Variants in SYN3 observed in about 807,000 individuals in gnomAD.
SYN3 encodes the protein synapsin-3.
SYN3 carries 35 observed loss-of-function variants against 65.8 expected under a neutral mutation model. The ratio of observed to expected loss-of-function variants is 0.53; its 90% CI spans 0.41 to 0.70. The LOEUF (loss-of-function observed/expected upper bound fraction) is 0.70. Among genes scored for constraint, SYN3 ranks in the 30% least tolerant of loss-of-function variants. The pLI is 0.00. For synonymous variants in SYN3, 270 were observed against 292.9 expected (o/e 0.92, Z 0.80); for missense variants, 680 against 749.0 (o/e 0.91, Z 1.08).
chr22:32,613,047 T>C (rs1326353269), intron 6 of SYN3, among the ~76,000 whole-genome samples: 1 of 151,932 alleles, frequency 6.6e-6, no homozygotes, highest in African/African-American at 2.4e-5. Context: ...CACTTCCTCT[T>C]CTCTCTCTCC....
At chr22:32,566,405 C>G (rs945050218) in intron 7 of SYN3, among the ~76,000 whole-genome samples, 1 of 151,962 alleles carries the variant, frequency 6.6e-6, no homozygotes, top group Non-Finnish European at 1.5e-5. Context: ...AGGTCAGAAC[C>G]GTAGGGCACA....
intron 3 of SYN3, among the ~76,000 whole-genome samples, chr22:32,940,510 G>A (rs773921680): frequency 4.6e-5 from 7 of 152,002 alleles, no homozygotes; most frequent in Admixed American, 3.3e-4. Flanking sequence ...TCACATTTAC[G>A]TCTGTAATCC....
intron 7 of SYN3, among the ~76,000 whole-genome samples, chr22:32,542,930 A>C (rs574255019): frequency 6.6e-6 from 1 of 152,090 alleles, no homozygotes; most frequent in East Asian, 1.9e-4. Context: ...CTTGTCCAGA[A>C]GCGGCTCCCC....
chr22:33,035,820 G>T (rs2053848938), intron 1 of SYN3, among the ~76,000 whole-genome samples: 1 of 152,116 alleles, frequency 6.6e-6, no homozygotes, highest in Admixed American at 6.5e-5. Flanking sequence ...GGCCTCAAGT[G>T]ATCCTCCTGC....
chr22:33,017,319 T>G (rs748453791), intron 1 of SYN3, among the ~76,000 whole-genome samples: 2 of 152,360 alleles, frequency 1.3e-5, no homozygotes, highest in African/African-American at 2.4e-5. Flanking sequence ...AGATTTCAAG[T>G]GCCTCTAGCT....
rs1026844966 is a variant in SYN3 at position 32,798,256 on chromosome 22, G to T, written c.711+66659C>A. On this transcript the variant is annotated intron_variant, in intron 6 of 13. Coordinates refer to ENST00000358763, the MANE Select transcript of SYN3 (RefSeq NM_003490.4). ...CTCTGTGGGCTGGGCACTGTACAAA[G>T]ACTCAAACGAATCTGTCTACAGATC... 4.6e-5 allele frequency among the ~76,000 whole-genome samples: 7 copies of T among 152,210 alleles called. No individual in the cohort carries two copies. The East Asian group carries it at 1.4e-3, about 29-fold the overall frequency.
chr22:32,814,249 G>A (rs1270404853), intron 6 of SYN3, among the ~76,000 whole-genome samples: 3 of 143,568 alleles, frequency 2.1e-5, no homozygotes, highest in African/African-American at 7.8e-5. Context: ...AAGAAAGAAG[G>A]AAAGAAAGAA....
At chr22:32,766,182 A>G (rs2045621084) in intron 6 of SYN3, among the ~76,000 whole-genome samples, 2 of 152,162 alleles carry the variant, frequency 1.3e-5, no homozygotes, top group African/African-American at 4.8e-5. Flanking sequence ...AGCCTTTGGA[A>G]AAGGCACTTA....
chr22:32,859,462 A>C, intron 6 of SYN3: 1 of 1,476,594 alleles, frequency 6.8e-7, no homozygotes. Context: ...ATGACAATGA[A>C]ATTAGTGCCT....
intron 6 of SYN3, among the ~76,000 whole-genome samples, chr22:32,780,330 G>T (rs995492276): frequency 6.6e-6 from 1 of 152,094 alleles, no homozygotes; most frequent in Non-Finnish European, 1.5e-5. Flanking sequence ...TGTTCTGGGG[G>T]CTAAAATTAC....
intron 6 of SYN3, among the ~76,000 whole-genome samples, chr22:32,737,092 G>A (rs1473449664): frequency 1.3e-5 from 2 of 152,206 alleles, no homozygotes; most frequent in Admixed American, 1.3e-4. Context: ...CAGTGACGGT[G>A]TAGACCCAAA....
intron 6 of SYN3, among the ~76,000 whole-genome samples, chr22:32,619,305 C>T (rs1205152441): frequency 6.6e-6 from 1 of 152,170 alleles, no homozygotes; most frequent in African/African-American, 2.4e-5. Flanking sequence ...ATTTAAATGG[C>T]ACATAGACCT....
intron 3 of SYN3, among the ~76,000 whole-genome samples, chr22:32,937,118 T>C (rs1389246583): frequency 2.0e-5 from 3 of 151,994 alleles, no homozygotes; most frequent in Non-Finnish European, 4.4e-5. Flanking sequence ...CAGAAGAATA[T>C]GACCCACAAC....
chr22:32,699,076 C>A (rs1239311587), intron 6 of SYN3, among the ~76,000 whole-genome samples: 4 of 152,238 alleles, frequency 2.6e-5, no homozygotes, highest in African/African-American at 9.6e-5. Context: ...GCTAGACGCT[C>A]TGAAACTTGG....
At chr22:32,956,041 CATATATAT>C (rs5845054) in intron 3 of SYN3, among the ~76,000 whole-genome samples, 37,443 of 130,634 alleles carry the variant, frequency 0.29, 6,012 homozygotes, top group East Asian at 0.68. Context: ...AATAAATTCA[CATATATAT>C]ATATATATAT....
At chr22:32,595,815 G>T (rs570325257) in intron 7 of SYN3, among the ~76,000 whole-genome samples, 2 of 152,190 alleles carry the variant, frequency 1.3e-5, no homozygotes, top group Non-Finnish European at 2.9e-5. Context: ...GGTGGCTCAC[G>T]CCTATAATCC....
At chr22:32,923,741 C>T (rs2050395350) in intron 4 of SYN3, among the ~76,000 whole-genome samples, 1 of 152,132 alleles carries the variant, frequency 6.6e-6, no homozygotes. Context: ...GTTTGTTATA[C>T]CAGTAAACTT....
intron 4 of SYN3, among the ~76,000 whole-genome samples, chr22:32,873,399 G>A (rs1289831351): frequency 6.6e-6 from 1 of 152,166 alleles, no homozygotes; most frequent in African/African-American, 2.4e-5. Context: ...GGAAGCCTTG[G>A]TCTTAAAAGC....
chr22:32,993,538 G>C (rs1185976109), intron 2 of SYN3, among the ~76,000 whole-genome samples: 1 of 152,152 alleles, frequency 6.6e-6, no homozygotes, highest in African/African-American at 2.4e-5. Context: ...TAGAGATGGG[G>C]TTTCACCATA....
Sources: allele counts gnomAD v4.1 joint callset (sites outside exome capture counted in the v4.1 genomes callset), GRCh38; gene constraint gnomAD v4.1.1; transcripts MANE v1.5; gene names NCBI Gene and HGNC (gene_info 2026-07-23, HGNC 2026-07-21).